DACH1: variants seen among roughly 807,000 people sequenced by gnomAD.
DACH1 encodes the protein dachshund homolog 1.
Under a neutral mutation model 54.2 loss-of-function variants are expected in DACH1, and 12 were observed. That is an observed-to-expected ratio of 0.22 (90% CI 0.14 to 0.36). DACH1 has a LOEUF of 0.36. Among genes scored for constraint, DACH1 ranks in the 10% least tolerant of loss-of-function variants. The pLI is 1.00. For synonymous variants in DACH1, 386 were observed against 366.2 expected, an observed-to-expected ratio of 1.05 and a Z score of -0.62; for missense variants, 805 against 929.8, an observed-to-expected ratio of 0.87 and a Z score of 1.75.
intron 1 of DACH1, among the ~76,000 whole-genome samples, chr13:71,752,650 G>C (rs918687301): frequency 6.6e-6 from 1 of 152,008 alleles, no homozygotes; most frequent in African/African-American, 2.4e-5. Context: ...AACAAAATCT[G>C]TCATTTCTGA....
rs1476724031 is a variant in DACH1 at position 71,866,845 on chromosome 13, A to G, written c.-76T>C. 14 of 1,139,682 alleles carry G rather than the reference A, an allele frequency of 1.2e-5. No individual in the cohort carries two copies. The highest frequency in any genetic ancestry group is 9.5e-5 in the Admixed American group (2 of 21,012). 70.6% of individuals were successfully genotyped at this position (1,139,682 alleles called of 1,614,324 possible). Reference sequence around the variant, plus strand: ...CACACACCCCCGGGAGGGGAAGGGGAAAAAAGGGGGGAGAAGGAGCGAGGG... The same window carrying G: ...CACACACCCCCGGGAGGGGAAGGGGGAAAAAGGGGGGAGAAGGAGCGAGGG... On this transcript the variant is annotated 5_prime_UTR_variant, in exon 1 of 11. Transcript: ENST00000613252.
chr13:71,779,051 G>A (rs1000468842), intron 1 of DACH1, among the ~76,000 whole-genome samples: 1 of 150,736 alleles, frequency 6.6e-6, no homozygotes, highest in Non-Finnish European at 1.5e-5. Context: ...CTTTCTTACA[G>A]TGTGGATATA....
chr13:71,484,635 C>T (rs912158516), intron 7 of DACH1, among the ~76,000 whole-genome samples: 3 of 152,176 alleles, frequency 2.0e-5, no homozygotes, highest in African/African-American at 7.2e-5. Context: ...TCTACTTAAA[C>T]TTTACATTTT....
At chr13:71,680,019 C>A (rs1260748272) in intron 2 of DACH1, among the ~76,000 whole-genome samples, 1 of 151,416 alleles carries the variant, frequency 6.6e-6, no homozygotes, top group African/African-American at 2.4e-5. Flanking sequence ...ATGTAATTCC[C>A]AAGTCCCAAA....
chr13:71,662,089 T>C (rs1879530708), intron 2 of DACH1, among the ~76,000 whole-genome samples: 2 of 152,016 alleles, frequency 1.3e-5, no homozygotes, highest in Admixed American at 1.3e-4. Context: ...ATGGACACAA[T>C]ACTGTTGATA....
At chr13:71,770,027 A>T (rs1885789727) in intron 1 of DACH1, among the ~76,000 whole-genome samples, 1 of 151,744 alleles carries the variant, frequency 6.6e-6, no homozygotes, top group Admixed American at 6.6e-5. Context: ...CCTTCAGTGC[A>T]TTAGAATACT....
At chr13:71,738,294 G>A (rs1884226987) in intron 1 of DACH1, among the ~76,000 whole-genome samples, 1 of 152,116 alleles carries the variant, frequency 6.6e-6, no homozygotes, top group Non-Finnish European at 1.5e-5. Context: ...GGTGAGTGAG[G>A]AGAGAGGGGA....
chr13:71,857,631 T>C (rs1240080811), intron 1 of DACH1, among the ~76,000 whole-genome samples: 1 of 151,720 alleles, frequency 6.6e-6, no homozygotes, highest in Non-Finnish European at 1.5e-5. Context: ...AATTTTACAC[T>C]TGTTGCACAC....
intron 10 of DACH1, among the ~76,000 whole-genome samples, chr13:71,456,620 G>A (rs1442315240): frequency 2.0e-5 from 3 of 152,016 alleles, no homozygotes; most frequent in South Asian, 2.1e-4. Context: ...GCACTTGGAC[G>A]ATAGCAAACT....
chr13:71,455,534 T>C (rs1363257971), intron 10 of DACH1, among the ~76,000 whole-genome samples: 1 of 152,090 alleles, frequency 6.6e-6, no homozygotes, highest in Non-Finnish European at 1.5e-5. Flanking sequence ...ATAAAAACAA[T>C]AATTCGAAAT....
chr13:71,646,601 T>A (rs1878287724), intron 2 of DACH1, among the ~76,000 whole-genome samples: 3 of 152,160 alleles, frequency 2.0e-5, no homozygotes, highest in Admixed American at 1.3e-4. Flanking sequence ...AGTTGATCCA[T>A]CTATTTGATC....
intron 1 of DACH1, among the ~76,000 whole-genome samples, chr13:71,688,057 C>T (rs1268471510): frequency 6.6e-6 from 1 of 152,144 alleles, no homozygotes; most frequent in Non-Finnish European, 1.5e-5. Flanking sequence ...TATAATTGTC[C>T]TTTTAATCTT....
intron 1 of DACH1, among the ~76,000 whole-genome samples, chr13:71,832,802 T>G (rs1416872967): frequency 6.6e-6 from 1 of 151,966 alleles, no homozygotes; most frequent in Non-Finnish European, 1.5e-5. Context: ...TTTTGTTTAT[T>G]CTCATTTCAA....
intron 1 of DACH1, among the ~76,000 whole-genome samples, chr13:71,730,973 AT>A (rs1367624301): frequency 6.6e-6 from 1 of 152,040 alleles, no homozygotes; most frequent in East Asian, 1.9e-4. Context: ...ATATATTTTA[AT>A]TTATATTTTT....
At chr13:71,672,218 A>G (rs542495707) in intron 2 of DACH1, among the ~76,000 whole-genome samples, 1 of 152,258 alleles carries the variant, frequency 6.6e-6, no homozygotes, top group East Asian at 1.9e-4. Flanking sequence ...CATAATGTTC[A>G]TTTATATGGT....
intron 1 of DACH1, among the ~76,000 whole-genome samples, chr13:71,764,965 T>A (rs1885559882): frequency 6.6e-6 from 1 of 152,198 alleles, no homozygotes; most frequent in Non-Finnish European, 1.5e-5. Flanking sequence ...TAAAAGTAGA[T>A]ATTACTCAAG....
intron 10 of DACH1, among the ~76,000 whole-genome samples, chr13:71,461,994 G>C (rs755867264): frequency 6.6e-6 from 1 of 151,836 alleles, no homozygotes; most frequent in Non-Finnish European, 1.5e-5. Context: ...ACCTGAATAT[G>C]TATGGAAATA....
intron 2 of DACH1, among the ~76,000 whole-genome samples, chr13:71,644,231 C>T (rs1394522834): frequency 1.3e-5 from 2 of 152,144 alleles, no homozygotes. Context: ...ACGCAGAAAT[C>T]CTTCCTCTGT....
intron 10 of DACH1, among the ~76,000 whole-genome samples, chr13:71,452,786 G>T (rs1016200122): frequency 1.3e-5 from 2 of 152,128 alleles, no homozygotes; most frequent in African/African-American, 2.4e-5. Context: ...CAATTGTAAA[G>T]TTTATGAAGT....
Sources: gnomAD v4.1 joint callset for allele counts (sites outside exome capture counted in the v4.1 genomes callset) on GRCh38, gnomAD v4.1.1 for gene constraint, MANE v1.5 for transcripts, NCBI Gene and HGNC (gene_info 2026-07-23, HGNC 2026-07-21) for gene names.